The following ELMO1 variants were observed in gnomAD, a reference collection of about 807,000 sequenced individuals.
ELMO1 encodes engulfment and cell motility protein 1.
ELMO1 carries 26 observed loss-of-function variants against 98.9 expected under a neutral mutation model. The observed-to-expected ratio is 0.26, with a 90% CI of 0.19 to 0.36. The LOEUF (loss-of-function observed/expected upper bound fraction) is 0.36, where lower values mean the gene tolerates loss of function less well. ELMO1 is among the 10% of genes least tolerant of loss of function. The pLI, the probability that ELMO1 is intolerant of heterozygous loss-of-function variation, is 1.00. For synonymous variants in ELMO1, 346 were observed against 346.0 expected (o/e 1.00, Z 0.00); for missense variants, 627 against 935.2 (o/e 0.67, Z 4.30).
chr7:36,943,294 T>C (rs1787203973), intron 16 of ELMO1, among the ~76,000 whole-genome samples: 1 of 152,244 alleles, frequency 6.6e-6, no homozygotes, highest in Non-Finnish European at 1.5e-5. Context: ...CCTTTTCTTT[T>C]ATGCGTAAAA....
chr7:37,386,532 C>T (rs1475283017), intron 1 of ELMO1, among the ~76,000 whole-genome samples: 1 of 152,134 alleles, frequency 6.6e-6, no homozygotes. Flanking sequence ...CAGGAGAGAG[C>T]AGCTAAACTA....
rs187210713 is a variant in ELMO1, at chr7:36,908,537, T to C, written c.1438-13520A>G. Among the ~76,000 whole-genome samples, 405 of 148,196 alleles carry C rather than the reference T, an allele frequency of 2.7e-3. 4 individuals carry two copies. The highest frequency in any genetic ancestry group is 0.014 in the South Asian group (66 of 4,756). ...TTGTTATATAGCAAAGCCAATGCCA[T>C]GTTAAGATTTGTTATTTTTTTTTTT... On this transcript the variant is annotated intron_variant, in intron 16 of 21. Coordinates refer to ENST00000310758, the MANE Select transcript of ELMO1 (RefSeq NM_014800.11).
intron 1 of ELMO1, among the ~76,000 whole-genome samples, chr7:37,431,276 G>A (rs1378253718): frequency 6.6e-6 from 1 of 152,144 alleles, no homozygotes; most frequent in Non-Finnish European, 1.5e-5. Context: ...GTTCAAGGCT[G>A]CAGTGAGTTA....
At position 37,169,813 on chromosome 7, in the gene ELMO1, C is replaced by T. The variant is rs148901956; in HGVS notation, c.1087-36579G>A. ...GCTTTTGACTTGGCATTTTGGCTTACGAGCACAGTGAACGTCCACAATTCT... is the reference window on the plus strand; with the variant it reads ...GCTTTTGACTTGGCATTTTGGCTTATGAGCACAGTGAACGTCCACAATTCT... On this transcript the variant is annotated intron_variant, in intron 13 of 21. Transcript: ENST00000310758. Among the ~76,000 whole-genome samples the T allele has an allele frequency of 1.2e-4, 18 of 152,246 alleles. No homozygotes were observed. In the East Asian group the frequency reaches 2.1e-3, roughly 18 times the overall value.
At chr7:37,096,110 GACC>G (rs1784353667) in intron 15 of ELMO1, among the ~76,000 whole-genome samples, 1 of 152,128 alleles carries the variant, frequency 6.6e-6, no homozygotes, top group Non-Finnish European at 1.5e-5. Context: ...AAATATTGCT[GACC>G]ACATTTTTCA....
At chr7:36,936,856 T>TA (rs1477721288) in intron 16 of ELMO1, among the ~76,000 whole-genome samples, 2 of 152,200 alleles carry the variant, frequency 1.3e-5, no homozygotes, top group Admixed American at 6.5e-5. Flanking sequence ...GAAGATACAT[T>TA]AAAAAAAGAA....
At chr7:37,096,803 T>A (rs943437418) in intron 14 of ELMO1, 76 bp from the exon 15 acceptor site, 1 of 1,298,720 alleles carries the variant, frequency 7.7e-7, no homozygotes, top group Admixed American at 1.7e-5. Flanking sequence ...TTCATTCCAA[T>A]AGATGAATAC....
chr7:36,998,074 T>C (rs185175250), intron 16 of ELMO1: 2 of 152,078 alleles, frequency 1.3e-5, no homozygotes, highest in Admixed American at 6.5e-5. Context: ...TGGAAAATAT[T>C]GTTTAAGGAA....
intron 16 of ELMO1, among the ~76,000 whole-genome samples, chr7:36,957,319 T>C (rs1010856869): frequency 3.7e-4 from 57 of 152,266 alleles, no homozygotes; most frequent in African/African-American, 1.3e-3. Flanking sequence ...GGACCACTGC[T>C]CCTCCTTTCT....
At chr7:37,021,293 C>T (rs1279727438) in intron 15 of ELMO1, among the ~76,000 whole-genome samples, 1 of 152,186 alleles carries the variant, frequency 6.6e-6, no homozygotes, top group Non-Finnish European at 1.5e-5. Context: ...CGCAGCTCTT[C>T]TCAGCTCCTG....
chr7:37,294,255 G>A (rs1278682655), intron 4 of ELMO1, among the ~76,000 whole-genome samples: 1 of 152,012 alleles, frequency 6.6e-6, no homozygotes, highest in East Asian at 1.9e-4. Flanking sequence ...TACTTGGGAG[G>A]CTGAGACAGG....
chr7:37,376,021 T>C (rs1802325623), intron 1 of ELMO1: 2 of 474,666 alleles, frequency 4.2e-6, no homozygotes, highest in Non-Finnish European at 7.7e-6. Context: ...GCCACCTCAG[T>C]AAAACTGGAG....
rs753142024 is a variant in ELMO1, at chr7:37,216,688, G to A, written c.788C>T (p.Ala263Val). The change falls in exon 11 of 22, where the codon GCG (alanine) becomes GTG (valine). Residue 263 changes from alanine (A) to valine (V), a missense_variant. This residue lies in a region of ELMO1 where 492 missense variants were observed against 715.6 expected (regional missense o/e 0.69). Transcript: ENST00000310758. Reference protein sequence around the residue: ...KAPDERRQEMANILAQKQLRS... With the variant: ...KAPDERRQEMVNILAQKQLRS... Reference sequence around the variant, plus strand: ...CAGTTGCTTCTGAGCCAAAATATTCGCCATCTCCTGTGGAAGAAAAACACA... The same window carrying A: ...CAGTTGCTTCTGAGCCAAAATATTCACCATCTCCTGTGGAAGAAAAACACA... 9.9e-6 allele frequency: 16 copies of A among 1,613,906 alleles called. No individual in the cohort carries two copies. The highest frequency in any genetic ancestry group is 1.6e-4 in the Middle Eastern group (1 of 6,084).
At chr7:37,207,768 C>T (rs1792721495) in intron 13 of ELMO1, among the ~76,000 whole-genome samples, 2 of 151,890 alleles carry the variant, frequency 1.3e-5, no homozygotes, top group African/African-American at 2.4e-5. Context: ...CATGGTGAAA[C>T]CCGTCTCTAC....
intron 1 of ELMO1, among the ~76,000 whole-genome samples, chr7:37,358,770 G>T (rs1217765658): frequency 6.6e-6 from 1 of 152,140 alleles, no homozygotes; most frequent in Non-Finnish European, 1.5e-5. Context: ...GAATGTAAAA[G>T]CAGGTAATGT....
chr7:37,378,628 T>C (rs1485883362), intron 1 of ELMO1, among the ~76,000 whole-genome samples: 1 of 152,216 alleles, frequency 6.6e-6, no homozygotes, highest in Non-Finnish European at 1.5e-5. Flanking sequence ...GATGGTCTTC[T>C]ATGTAAATGA....
chr7:37,005,164 C>A (rs958576842), intron 16 of ELMO1, among the ~76,000 whole-genome samples: 1 of 128,272 alleles, frequency 7.8e-6, no homozygotes, highest in African/African-American at 2.8e-5. Flanking sequence ...ACAGGGTCAA[C>A]AAAATCCAAC....
intron 18 of ELMO1, among the ~76,000 whole-genome samples, chr7:36,885,442 G>A (rs555111418): frequency 2.6e-5 from 4 of 152,242 alleles, no homozygotes; most frequent in South Asian, 2.1e-4. Flanking sequence ...GTCTCATGAC[G>A]CAGTAGACTA....
intron 16 of ELMO1, among the ~76,000 whole-genome samples, chr7:36,972,890 C>T (rs935743930): frequency 6.6e-6 from 1 of 152,272 alleles, no homozygotes; most frequent in Admixed American, 6.5e-5. Flanking sequence ...AAGCGATTCT[C>T]CTGCCTCAGC....
Sources: gnomAD v4.1 joint callset for allele counts (sites outside exome capture counted in the v4.1 genomes callset) on GRCh38, gnomAD v4.1.1 for gene constraint, gnomAD v4.1.1 regional missense constraint, MANE v1.5 for transcripts, NCBI Gene and HGNC (gene_info 2026-07-23, HGNC 2026-07-21) for gene names.